The following PALLD variants were observed in gnomAD, a reference collection of about 807,000 sequenced individuals.
PALLD encodes palladin.
A neutral mutation model predicts 123.5 loss-of-function variants in PALLD; 61 were observed. The ratio of observed to expected loss-of-function variants is 0.49; its 90% CI spans 0.40 to 0.61. The LOEUF is 0.61. PALLD is among the 20% of genes least tolerant of loss of function. The probability of loss-of-function intolerance (pLI) is 0.00; values close to 1 mark genes in which losing one functional copy is unlikely to be tolerated. For synonymous variants in PALLD, 465 were observed against 496.4 expected (o/e 0.94, Z 0.84); for missense variants, 1,273 against 1,377.0 (o/e 0.92, Z 1.20).
intron 10 of PALLD, among the ~76,000 whole-genome samples, chr4:168,727,695 A>C (rs1432110266): frequency 6.6e-6 from 1 of 152,164 alleles, no homozygotes. Context: ...TTTGCTGTAC[A>C]GAAGTTCTTT....
At chr4:168,613,366 C>T (rs911955760) in intron 2 of PALLD, among the ~76,000 whole-genome samples, 1 of 152,172 alleles carries the variant, frequency 6.6e-6, no homozygotes, top group African/African-American at 2.4e-5. Flanking sequence ...TTCTGACAGC[C>T]ATACCGCATC....
intron 10 of PALLD, among the ~76,000 whole-genome samples, chr4:168,730,771 T>C (rs1787091251): frequency 6.6e-6 from 1 of 152,098 alleles, no homozygotes; most frequent in African/African-American, 2.4e-5. Context: ...GCAGACAGCA[T>C]TTGGAGCCTG....
chr4:168,816,438 T>C (rs1741970062), intron 10 of PALLD, among the ~76,000 whole-genome samples: 1 of 148,600 alleles, frequency 6.7e-6, no homozygotes, highest in Admixed American at 6.7e-5. Flanking sequence ...TAGATTGGAG[T>C]GCTTGGCATG....
Position 168,819,016 on chromosome 4 carries a change from C to CA in PALLD, c.1965-71899dup, listed in dbSNP as rs568576541. ...GTGTTTTTCAATAATAAATGCCTTT[C>CA]AAAAAAAGATGATGATGAACAAGCT... On this transcript the variant is annotated intron_variant, in intron 10 of 21. Transcript: ENST00000505667. Among the ~76,000 whole-genome samples, 233 of 151,930 alleles carry CA rather than the reference C, an allele frequency of 1.5e-3. 1 individual carries two copies. The highest frequency in any genetic ancestry group is 0.01 in the Middle Eastern group (3 of 294).
chr4:168,509,984 C>T (rs993760357), intron 1 of PALLD, among the ~76,000 whole-genome samples: 4 of 152,156 alleles, frequency 2.6e-5, no homozygotes, highest in African/African-American at 9.7e-5. Context: ...TCTACGCAAG[C>T]AACTCAATTC....
At chr4:168,691,780 T>G (rs1336604253) in intron 8 of PALLD, among the ~76,000 whole-genome samples, 1 of 152,146 alleles carries the variant, frequency 6.6e-6, no homozygotes, top group African/African-American at 2.4e-5. Context: ...AAACTTTTAC[T>G]ATTCTGCAAG....
chr4:168,854,099 C>G (rs1469348020), intron 10 of PALLD, among the ~76,000 whole-genome samples: 1 of 152,176 alleles, frequency 6.6e-6, no homozygotes, highest in Non-Finnish European at 1.5e-5. Context: ...TTAAATTTGT[C>G]TAGAGTCTCC....
Position 168,668,189 on chromosome 4 carries a change from G to C in PALLD, c.909-1G>C. On this transcript the variant is annotated splice_acceptor_variant, in intron 2 of 21. Coordinates refer to ENST00000505667, the MANE Select transcript of PALLD (RefSeq NM_001166108.2). LOFTEE classifies it high-confidence loss of function. ...TCCTTTGACCTCCATTTGGCCTGCA[G>C]ATGGTTCTGTGAAGGGAAAGAACTG... The C allele has an allele frequency of 6.2e-7, 1 of 1,613,482 alleles. No homozygotes were observed. Among genetic ancestry groups the C allele is most frequent in the Non-Finnish European group, 8.5e-7 (1 of 1,179,418 alleles).
At chr4:168,911,123 G>A (rs184115327) in intron 15 of PALLD, among the ~76,000 whole-genome samples, 100 of 152,262 alleles carry the variant, frequency 6.6e-4, no homozygotes, top group Non-Finnish European at 1.2e-3. Context: ...ACATCCTTGT[G>A]AGAGATATAT....
rs181753065 is a variant in PALLD at position 168,844,977 on chromosome 4, G to C, written c.1965-45945G>C. Among the ~76,000 whole-genome samples, 1 of 152,242 alleles carries C rather than the reference G, an allele frequency of 6.6e-6. No individual in the cohort carries two copies. Among genetic ancestry groups the C allele is most frequent in the East Asian group, 1.9e-4 (1 of 5,184 alleles). Reference sequence around the variant, plus strand: ...GAGGAGGGACTGACCAGCTCTGCCTGGGGGAGTAAGGAGAAGCTTCAGGAG... The same window carrying C: ...GAGGAGGGACTGACCAGCTCTGCCTCGGGGAGTAAGGAGAAGCTTCAGGAG... On this transcript the variant is annotated intron_variant, in intron 10 of 21. Transcript: ENST00000505667. This position sits in a 1 kb window ranked among gnomAD's most constrained non-coding sequence, Gnocchi z 4.5.
intron 3 of PALLD, among the ~76,000 whole-genome samples, chr4:168,680,714 T>C (rs369309323): frequency 9.9e-5 from 15 of 152,184 alleles, no homozygotes; most frequent in African/African-American, 3.4e-4. Context: ...TTTGAACCAT[T>C]GCAATTTTTT....
chr4:168,590,508 T>G (rs1470682346), intron 2 of PALLD, among the ~76,000 whole-genome samples: 3 of 152,254 alleles, frequency 2.0e-5, no homozygotes, highest in Non-Finnish European at 4.4e-5. Flanking sequence ...AAATGTTGGC[T>G]TTCTGTATAA....
intron 2 of PALLD, among the ~76,000 whole-genome samples, chr4:168,520,170 C>CA (rs1763394224): frequency 6.6e-6 from 1 of 151,668 alleles, no homozygotes. Flanking sequence ...ACTGAAAATA[C>CA]AAAAAATTAG....
At chr4:168,847,404 A>T (rs1369080151) in intron 10 of PALLD, among the ~76,000 whole-genome samples, 1 of 152,228 alleles carries the variant, frequency 6.6e-6, no homozygotes. Context: ...ACATGGAAGG[A>T]TACCCATGAT....
intron 2 of PALLD, among the ~76,000 whole-genome samples, chr4:168,531,544 G>A (rs746450128): frequency 9.9e-5 from 15 of 152,132 alleles, no homozygotes; most frequent in East Asian, 1.9e-4. Flanking sequence ...TACCATTCAC[G>A]TATCTTCTGT....
intron 10 of PALLD, chr4:168,832,276 A>T (rs1248998427): frequency 2.0e-4 from 66 of 325,182 alleles, no homozygotes; most frequent in Non-Finnish European, 2.6e-4. Context: ...GGCTCGGGAC[A>T]GGGTGGGGGC....
At chr4:168,752,836 T>A (rs1561482541) in intron 10 of PALLD, among the ~76,000 whole-genome samples, 2 of 152,146 alleles carry the variant, frequency 1.3e-5, no homozygotes, top group Admixed American at 6.6e-5. Flanking sequence ...ATATTATTAT[T>A]ATTTCCAGTA....
chr4:168,699,512 T>G (rs1783472600), intron 8 of PALLD, among the ~76,000 whole-genome samples: 1 of 150,998 alleles, frequency 6.6e-6, no homozygotes, highest in Admixed American at 6.6e-5. Flanking sequence ...CTGGATTTCT[T>G]TTTTAGGGAC....
chr4:168,519,579 C>T (rs1175902715), intron 2 of PALLD, among the ~76,000 whole-genome samples: 1 of 151,608 alleles, frequency 6.6e-6, no homozygotes, highest in African/African-American at 2.4e-5. Context: ...CAGTCTTGTG[C>T]CATGGATCTT....
Sources: allele counts gnomAD v4.1 joint callset (sites outside exome capture counted in the v4.1 genomes callset), GRCh38; gene constraint gnomAD v4.1.1; non-coding constraint Gnocchi (gnomAD v3.1); transcripts MANE v1.5; gene names NCBI Gene and HGNC (gene_info 2026-07-23, HGNC 2026-07-21).